The following PPP3R1 variants were observed in gnomAD, a reference collection of about 807,000 sequenced individuals.
The protein encoded by PPP3R1 is protein phosphatase 3 regulatory subunit B, alpha.
Under a neutral mutation model 22.6 loss-of-function variants are expected in PPP3R1, and 5 were observed. The observed-to-expected ratio is 0.22, with a 90% CI of 0.12 to 0.46. The LOEUF (loss-of-function observed/expected upper bound fraction) is 0.46, where lower values mean the gene tolerates loss of function less well. Among genes scored for constraint, PPP3R1 ranks in the 20% least tolerant of loss-of-function variants. The pLI is 0.99. For missense variants in PPP3R1, 61 were observed against 203.2 expected (o/e 0.30, Z 4.25); for synonymous variants, 56 against 65.2 (o/e 0.86, Z 0.68).
chr2:68,234,001 A>G (rs1348390883), intron 1 of PPP3R1, among the ~76,000 whole-genome samples: 3 of 152,130 alleles, frequency 2.0e-5, no homozygotes, highest in Non-Finnish European at 2.9e-5. Context: ...CTTTACATAC[A>G]TTATCTCATT....
At position 68,217,039 on chromosome 2, in the gene PPP3R1, C is replaced by CAG. The variant is rs1553407218; in HGVS notation, c.43+51_43+52dup. 156 of 1,085,524 alleles carry CAG rather than the reference C, an allele frequency of 1.4e-4. 10 individuals are homozygous for CAG. Among genetic ancestry groups the CAG allele is most frequent in the Admixed American group, 2.2e-4 (10 of 44,992 alleles). 67.2% of individuals were successfully genotyped at this position (1,085,524 alleles called of 1,614,324 possible). On this transcript the variant is annotated intron_variant, in intron 2 of 5. Transcript: ENST00000234310. ...ACACACACACACACACACACACACA[C>CAG]AGAGAGAGATGAGTGAATAAAAGTA...
At chr2:68,232,124 T>TATATACAC (rs1553408863) in intron 1 of PPP3R1, among the ~76,000 whole-genome samples, 2 of 97,990 alleles carry the variant, frequency 2.0e-5, no homozygotes, top group African/African-American at 8.3e-5. Context: ...TATATATATA[T>TATATACAC]ACACACACAC....
rs1305220780 is a variant in PPP3R1 at position 68,180,506 on chromosome 2, A to C, written c.*457T>G. On this transcript the variant is annotated 3_prime_UTR_variant, in exon 6 of 6. Coordinates refer to ENST00000234310, the MANE Select transcript of PPP3R1 (RefSeq NM_000945.4). ...TTCTATCTATATATAAAACTGTGTG[A>C]AATAAAAGTAAGGATGTTTTATGTT... 1 of 152,828 alleles carries C rather than the reference A, an allele frequency of 6.5e-6. No individual in the cohort carries two copies. Among genetic ancestry groups the C allele is most frequent in the Admixed American group, 6.5e-5 (1 of 15,284 alleles). 9.5% of individuals were successfully genotyped at this position (152,828 alleles called of 1,614,324 possible).
intron 1 of PPP3R1, among the ~76,000 whole-genome samples, chr2:68,243,157 G>C (rs913156757): frequency 4.6e-5 from 7 of 152,050 alleles, no homozygotes; most frequent in African/African-American, 1.7e-4. Flanking sequence ...AACAGTATAG[G>C]AATCTATGAA....
At chr2:68,198,062 CAAAAAAAAAA>C (rs199824687) in intron 2 of PPP3R1, among the ~76,000 whole-genome samples, 4 of 42,002 alleles carry the variant, frequency 9.5e-5, no homozygotes, top group African/African-American at 2.2e-4. Context: ...GCACCTTTGG[CAAAAAAAAAA>C]AAAAAAAAAA....
chr2:68,198,366 T>C (rs1378475872), intron 2 of PPP3R1, among the ~76,000 whole-genome samples: 1 of 89,926 alleles, frequency 1.1e-5, no homozygotes, highest in Admixed American at 1.1e-4. Flanking sequence ...TATATGTACA[T>C]ATATGTACAT....
chr2:68,188,431 C>CTTTT, intron 3 of PPP3R1, 83 bp downstream of exon 3: 11 of 957,872 alleles, frequency 1.1e-5, no homozygotes, highest in South Asian at 2.5e-5. Context: ...AATATAAGCA[C>CTTTT]TTTTTTTTTT....
At chr2:68,198,540 ATTCT>A (rs1440934296) in intron 2 of PPP3R1, among the ~76,000 whole-genome samples, 1 of 126,194 alleles carries the variant, frequency 7.9e-6, no homozygotes, top group African/African-American at 2.9e-5. Flanking sequence ...TGGACCCTCT[ATTCT>A]GTTTCATTGA....
intron 1 of PPP3R1, among the ~76,000 whole-genome samples, chr2:68,241,275 T>C (rs1352389402): frequency 1.3e-5 from 2 of 152,250 alleles, no homozygotes; most frequent in East Asian, 1.9e-4. Flanking sequence ...ATAGTATTTA[T>C]ACTAAATTTT....
intron 1 of PPP3R1, among the ~76,000 whole-genome samples, chr2:68,242,574 A>C (rs1021681096): frequency 6.6e-6 from 1 of 152,242 alleles, no homozygotes; most frequent in Non-Finnish European, 1.5e-5. Context: ...GAGAAAGAGT[A>C]TAAGTTAGTT....
chr2:68,202,825 C>T (rs1283900306), intron 2 of PPP3R1, among the ~76,000 whole-genome samples: 32 of 74,224 alleles, frequency 4.3e-4, no homozygotes, highest in African/African-American at 2.7e-3. Context: ...TTTTTTGAGA[C>T]GGAGTCTCGC....
At chr2:68,182,138 A>C (rs1385401293) in intron 5 of PPP3R1, among the ~76,000 whole-genome samples, 4 of 138,880 alleles carry the variant, frequency 2.9e-5, no homozygotes, top group Non-Finnish European at 6.1e-5. Flanking sequence ...TACATTTTAT[A>C]AATGGAATCT....
At chr2:68,232,168 AATACATATATAC>A (rs1669922669) in intron 1 of PPP3R1, among the ~76,000 whole-genome samples, 1 of 98,994 alleles carries the variant, frequency 1.0e-5, no homozygotes, top group African/African-American at 4.0e-5. Flanking sequence ...TACATATATA[AATACATATATAC>A]GTATATGTAT....
chr2:68,220,921 T>G (rs1669677222), intron 1 of PPP3R1, among the ~76,000 whole-genome samples: 1 of 152,194 alleles, frequency 6.6e-6, no homozygotes, highest in Non-Finnish European at 1.5e-5. Flanking sequence ...AATTACTTTT[T>G]GGCTATGGGG....
At chr2:68,239,678 G>GA (rs1303325574) in intron 1 of PPP3R1, among the ~76,000 whole-genome samples, 3 of 152,036 alleles carry the variant, frequency 2.0e-5, no homozygotes, top group Admixed American at 2.0e-4. Flanking sequence ...GGGGTGGGGG[G>GA]AAAAAACAAG....
Position 68,252,406 on chromosome 2 carries a change from G to A in PPP3R1, c.-279C>T. On this transcript the variant is annotated 5_prime_UTR_variant, in exon 1 of 6. Coordinates refer to ENST00000234310, the MANE Select transcript of PPP3R1 (RefSeq NM_000945.4). The stretch of plus-strand genomic sequence containing the variant: ...AGCGGCGAGAGGCAGGAGAGGCAGA[G>A]AAGAAGAAAGGAGGGGGAGAGGGGG... 1 of 999,786 alleles carries A rather than the reference G, an allele frequency of 1.0e-6. No homozygotes were observed. The highest frequency in any genetic ancestry group is 1.2e-6 in the Non-Finnish European group (1 of 840,562). 61.9% of individuals were successfully genotyped at this position (999,786 alleles called of 1,614,324 possible).
chr2:68,252,072 C>G (rs1159639686), intron 1 of PPP3R1, 53 bp downstream of exon 1: 2 of 1,379,302 alleles, frequency 1.5e-6, no homozygotes, highest in Non-Finnish European at 1.9e-6. Context: ...GCACCCGACC[C>G]GGACGGCGGC....
At position 68,252,404 on chromosome 2, in the gene PPP3R1, G is replaced by C. The variant is rs1670389143; in HGVS notation, c.-277C>G. Reference sequence around the variant, plus strand: ...GCAGCGGCGAGAGGCAGGAGAGGCAGAGAAGAAGAAAGGAGGGGGAGAGGG... The same window carrying C: ...GCAGCGGCGAGAGGCAGGAGAGGCACAGAAGAAGAAAGGAGGGGGAGAGGG... On this transcript the variant is annotated 5_prime_UTR_variant, in exon 1 of 6. Transcript: ENST00000234310. The C allele has an allele frequency of 1.0e-6, 1 of 1,000,482 alleles. No individual in the cohort carries two copies. The highest frequency in any genetic ancestry group is 1.2e-6 in the Non-Finnish European group (1 of 841,140). The allele number at this position is 1,000,482 out of a possible 1,614,324, so 62.0% of individuals were successfully genotyped here. A position where few individuals can be genotyped will look rare whatever the true frequency, so the allele number is the denominator to read the frequency against.
intron 2 of PPP3R1, among the ~76,000 whole-genome samples, chr2:68,211,435 T>TA (rs1202598787): frequency 7.0e-6 from 1 of 142,096 alleles, no homozygotes; most frequent in African/African-American, 2.5e-5. Context: ...ACTCTATTGC[T>TA]AAAAAATGCT....
Sources: allele counts gnomAD v4.1 joint callset (sites outside exome capture counted in the v4.1 genomes callset), GRCh38; gene constraint gnomAD v4.1.1; transcripts MANE v1.5; gene names NCBI Gene and HGNC (gene_info 2026-07-23, HGNC 2026-07-21).